WWP2: variants seen among roughly 807,000 people sequenced by gnomAD.
WWP2 encodes the protein NEDD4-like E3 ubiquitin-protein ligase WWP2.
A neutral mutation model predicts 121.0 loss-of-function variants in WWP2; 57 were observed. The observed-to-expected ratio is 0.47, with a 90% CI of 0.38 to 0.59. The LOEUF (loss-of-function observed/expected upper bound fraction) is 0.59. WWP2 is among the 20% of genes least tolerant of loss of function. The pLI, the probability that WWP2 is intolerant of heterozygous loss-of-function variation, is 0.00. For synonymous variants in WWP2, 449 were observed against 441.3 expected, an observed-to-expected ratio of 1.02 and a Z score of -0.22; for missense variants, 962 against 1,158.9, an observed-to-expected ratio of 0.83 and a Z score of 2.47.
intron 4 of WWP2, among the ~76,000 whole-genome samples, chr16:69,833,814 T>G (rs982840435): frequency 6.6e-6 from 1 of 152,220 alleles, no homozygotes; most frequent in Admixed American, 6.5e-5. Flanking sequence ...TGGCACTGTT[T>G]GCAGCCCCTG....
intron 5 of WWP2, 130 bp from the exon 6 acceptor site, chr16:69,841,894 G>A (rs111375749): frequency 1.7e-5 from 14 of 802,682 alleles, no homozygotes; most frequent in East Asian, 2.7e-5. Flanking sequence ...GCAGCTTGCC[G>A]GATGTCCATA....
intron 2 of WWP2, among the ~76,000 whole-genome samples, chr16:69,795,122 G>C (rs900639238): frequency 6.6e-6 from 1 of 152,144 alleles, no homozygotes; most frequent in Admixed American, 6.6e-5. Context: ...GGTAGTCCCA[G>C]CTACTCAGGA....
chr16:69,775,581 C>G (rs2055509342), intron 1 of WWP2, among the ~76,000 whole-genome samples: 1 of 152,150 alleles, frequency 6.6e-6, no homozygotes. Context: ...CCATTAGAGC[C>G]CTGAACCTAG....
At chr16:69,909,565 G>A (rs1441401419) in intron 9 of WWP2, 1 of 985,330 alleles carries the variant, frequency 1.0e-6, no homozygotes, top group Non-Finnish European at 1.2e-6. Flanking sequence ...CAGTTTTCCA[G>A]TAGAATGCTT....
intron 9 of WWP2, chr16:69,910,183 C>A (rs996833962): frequency 8.4e-5 from 19 of 227,334 alleles, no homozygotes; most frequent in African/African-American, 4.2e-4. Context: ...AATGTCACAT[C>A]ATCTATCCAT....
Position 69,769,874 on chromosome 16 carries a change from CTT to C in WWP2, c.-16+7500_-16+7501del, listed in dbSNP as rs71151134. On this transcript the variant is annotated intron_variant, in intron 1 of 23. Coordinates refer to ENST00000359154, the MANE Select transcript of WWP2 (RefSeq NM_001270454.2). ...TTGAAATCTCCCAAGTGATCAGTGT[CTT>C]TTTTTTTTTTTTTTTTGAGATAGAA... Among the ~76,000 whole-genome samples, 270 of 102,154 alleles carry C rather than the reference CTT, an allele frequency of 2.6e-3. 1 individual carries two copies. Among genetic ancestry groups the C allele is most frequent in the South Asian group, 6.7e-3 (20 of 2,988 alleles). 67.0% of individuals were successfully genotyped at this position (102,154 alleles called of 152,430 possible). A position where few individuals can be genotyped will look rare whatever the true frequency, so the allele number is the denominator to read the frequency against.
intron 6 of WWP2, among the ~76,000 whole-genome samples, chr16:69,860,613 C>T (rs1284517318): frequency 6.6e-6 from 1 of 152,116 alleles, no homozygotes; most frequent in Non-Finnish European, 1.5e-5. Flanking sequence ...TGGTAGGGGT[C>T]TAGAGAGGTA....
intron 7 of WWP2, among the ~76,000 whole-genome samples, chr16:69,874,432 C>A (rs1474906930): frequency 6.6e-6 from 1 of 152,086 alleles, no homozygotes; most frequent in African/African-American, 2.4e-5. Flanking sequence ...CACAGACTTG[C>A]GAGATTTATT....
At chr16:69,936,646 C>A in intron 19 of WWP2, 194 bp downstream of exon 19, 2 of 713,508 alleles carry the variant, frequency 2.8e-6, no homozygotes, top group Non-Finnish European at 4.5e-6. Flanking sequence ...CCTTAGTTAC[C>A]GACTCCCAGC....
chr16:69,931,050 C>T, intron 13 of WWP2, 102 bp from the exon 14 acceptor site: 3 of 1,132,678 alleles, frequency 2.6e-6, no homozygotes, highest in Non-Finnish European at 3.9e-6. Flanking sequence ...CATTACTAAT[C>T]TTTAAATTAA....
chr16:69,832,514 A>G (rs1161893561), intron 4 of WWP2, among the ~76,000 whole-genome samples: 1 of 152,168 alleles, frequency 6.6e-6, no homozygotes, highest in Non-Finnish European at 1.5e-5. Context: ...CCCCAGTTGT[A>G]GTGTAACCCT....
rs918456677 is a variant in WWP2, at chr16:69,876,973, A to G, written c.703+5042A>G. ...ACACAAGCAGAGTAGATTTAGCATAATTGATAAGGGCCCTAGGATTTTCAG... is the reference window on the plus strand; with the variant it reads ...ACACAAGCAGAGTAGATTTAGCATAGTTGATAAGGGCCCTAGGATTTTCAG... On this transcript the variant is annotated intron_variant, in intron 7 of 23. Coordinates refer to ENST00000359154, the MANE Select transcript of WWP2 (RefSeq NM_001270454.2). 4.6e-5 allele frequency among the ~76,000 whole-genome samples: 7 copies of G among 152,166 alleles called. No homozygotes were observed. In the East Asian group the frequency reaches 9.6e-4, roughly 21 times the overall value.
intron 9 of WWP2, among the ~76,000 whole-genome samples, chr16:69,912,955 AATATATATATAT>A (rs1567427338): frequency 2.3e-3 from 19 of 8,344 alleles, no homozygotes; most frequent in Non-Finnish European, 3.8e-3. Context: ...AAAAAAAAAA[AATATATATATAT>A]ATATATATAT....
chr16:69,856,223 A>G (rs562471343), intron 6 of WWP2, among the ~76,000 whole-genome samples: 1 of 152,340 alleles, frequency 6.6e-6, no homozygotes, highest in Non-Finnish European at 1.5e-5. Context: ...TATGTTCTAT[A>G]TGATTCCATT....
At chr16:69,860,114 T>C (rs1008093454) in intron 6 of WWP2, among the ~76,000 whole-genome samples, 3 of 151,744 alleles carry the variant, frequency 2.0e-5, no homozygotes, top group South Asian at 2.1e-4. Context: ...GGTGGGAGGA[T>C]CACTTCACCT....
At chr16:69,784,365 G>C (rs1476999081) in intron 1 of WWP2, among the ~76,000 whole-genome samples, 2 of 152,120 alleles carry the variant, frequency 1.3e-5, no homozygotes, top group Admixed American at 1.3e-4. Context: ...CTCCCAGAGC[G>C]CTGGGAATAC....
At chr16:69,839,980 TCCATGCCACGA>T in intron 4 of WWP2, 135 bp from the exon 5 acceptor site, 2 of 1,148,298 alleles carry the variant, frequency 1.7e-6, no homozygotes, top group Admixed American at 4.8e-5. Flanking sequence ...CACTCTTTTT[TCCATGCCACGA>T]GGCAAAATGT....
At chr16:69,819,083 T>A (rs975571190) in intron 4 of WWP2, among the ~76,000 whole-genome samples, 20 of 152,174 alleles carry the variant, frequency 1.3e-4, no homozygotes, top group African/African-American at 4.8e-4. Context: ...TTCTGTCCCA[T>A]CAGCACCTCC....
chr16:69,805,294 C>T (rs1397500216), intron 4 of WWP2, among the ~76,000 whole-genome samples: 1 of 152,100 alleles, frequency 6.6e-6, no homozygotes, highest in Non-Finnish European at 1.5e-5. Context: ...CCTCGGCCTC[C>T]CAAAGTGCTG....
Sources: allele counts gnomAD v4.1 joint callset (sites outside exome capture counted in the v4.1 genomes callset), GRCh38; gene constraint gnomAD v4.1.1; transcripts MANE v1.5; gene names NCBI Gene and HGNC (gene_info 2026-07-23, HGNC 2026-07-21).